The following PTPRN2 variants were observed in gnomAD, a reference collection of about 807,000 sequenced individuals.
The protein encoded by PTPRN2 is receptor-type tyrosine-protein phosphatase N2.
Under a neutral mutation model 118.8 loss-of-function variants are expected in PTPRN2, and 74 were observed. The ratio of observed to expected loss-of-function variants is 0.62; its 90% CI spans 0.52 to 0.76. The LOEUF (loss-of-function observed/expected upper bound fraction) is 0.76. PTPRN2 is among the 30% of genes least tolerant of loss of function. The probability of loss-of-function intolerance (pLI) is 0.00; values close to 1 mark genes in which losing one functional copy is unlikely to be tolerated. For missense variants in PTPRN2, 1,481 were observed against 1,394.4 expected, an observed-to-expected ratio of 1.06 and a Z score of -0.99; for synonymous variants, 641 against 608.0, an observed-to-expected ratio of 1.05 and a Z score of -0.80.
chr7:157,811,332 T>TTATATATATTTATATATATATATATA (rs1554455382), intron 12 of PTPRN2, among the ~76,000 whole-genome samples: 5 of 131,296 alleles, frequency 3.8e-5, no homozygotes, highest in African/African-American at 1.1e-4. Context: ...ATCTACTCTA[T>TTATATATATTTATATATATATATATA]TATATATATA....
chr7:158,086,485 C>T (rs1394745494), intron 10 of PTPRN2, among the ~76,000 whole-genome samples: 1 of 152,220 alleles, frequency 6.6e-6, no homozygotes, highest in Non-Finnish European at 1.5e-5. Context: ...ACACCTCACT[C>T]TCATGTTTTC....
At chr7:158,122,732 C>G (rs1212010330) in intron 9 of PTPRN2, among the ~76,000 whole-genome samples, 1 of 152,214 alleles carries the variant, frequency 6.6e-6, no homozygotes. Context: ...CAAAATTACA[C>G]TACTAGGAAA....
At chr7:157,954,926 A>G (rs987416543) in intron 11 of PTPRN2, among the ~76,000 whole-genome samples, 1 of 152,262 alleles carries the variant, frequency 6.6e-6, no homozygotes, top group Non-Finnish European at 1.5e-5. Flanking sequence ...AAACCGAAAT[A>G]CTAGACTTAA....
rs71189737 is a variant in PTPRN2, at chr7:157,811,332, T to TTATA, written c.1788+87337_1788+87340dup. Among the ~76,000 whole-genome samples the TTATA allele has an allele frequency of 8.4e-3, 1,099 of 131,256 alleles. 12 individuals carry two copies. The highest frequency in any genetic ancestry group is 0.035 in the South Asian group (144 of 4,064). The allele number at this position is 131,256 out of a possible 152,430, so 86.1% of individuals were successfully genotyped here. On this transcript the variant is annotated intron_variant, in intron 12 of 22. Transcript: ENST00000389418. The stretch of plus-strand genomic sequence containing the variant: ...TCATGGATTTTTGTAATCTACTCTA[T>TTATA]TATATATATATATATATATATATAT...
chr7:158,333,247 G>C (rs1233489615), intron 2 of PTPRN2, among the ~76,000 whole-genome samples: 1 of 126,200 alleles, frequency 7.9e-6, no homozygotes, highest in African/African-American at 3.4e-5. Context: ...CTCCCCAAAA[G>C]AGCTGTCGCC....
chr7:158,187,867 G>A (rs62477452), intron 5 of PTPRN2, among the ~76,000 whole-genome samples: 3,107 of 152,292 alleles, frequency 0.02, 37 homozygotes, highest in Middle Eastern at 0.044. Context: ...GCCGACCATC[G>A]TGTGTAGGAG....
chr7:157,549,111 TGA>T, intron 21 of PTPRN2, 92 bp from the exon 22 acceptor site: 1 of 1,248,442 alleles, frequency 8.0e-7, no homozygotes, highest in Non-Finnish European at 1.2e-6. Flanking sequence ...CCCTCTGGGC[TGA>T]GAGGCCAATT....
intron 2 of PTPRN2, among the ~76,000 whole-genome samples, chr7:158,358,113 T>C (rs964934385): frequency 5.9e-5 from 9 of 152,166 alleles, no homozygotes; most frequent in Non-Finnish European, 1.3e-4. Flanking sequence ...CCCAGGACAG[T>C]GGGAACAGCA....
intron 3 of PTPRN2, among the ~76,000 whole-genome samples, chr7:158,232,109 A>C (rs971520587): frequency 1.3e-5 from 2 of 152,156 alleles, no homozygotes; most frequent in African/African-American, 2.4e-5. Context: ...AAGAAATAAT[A>C]CAAATCAGAG....
At chr7:157,866,607 T>C (rs1010953751) in intron 12 of PTPRN2, among the ~76,000 whole-genome samples, 1 of 152,038 alleles carries the variant, frequency 6.6e-6, no homozygotes, top group Non-Finnish European at 1.5e-5. Flanking sequence ...CTGAGGCTGG[T>C]GTGCATTCTC....
chr7:158,160,488 C>T (rs926352946), intron 6 of PTPRN2, among the ~76,000 whole-genome samples: 8 of 152,198 alleles, frequency 5.3e-5, no homozygotes, highest in African/African-American at 1.4e-4. Context: ...TCATCAGCTT[C>T]CCTGGTTCTC....
At chr7:158,238,399 A>G (rs1413320452) in intron 3 of PTPRN2, among the ~76,000 whole-genome samples, 1 of 152,024 alleles carries the variant, frequency 6.6e-6, no homozygotes, top group East Asian at 1.9e-4. Context: ...AGCAGGCGAG[A>G]CGCGGGGCAC....
intron 11 of PTPRN2, among the ~76,000 whole-genome samples, chr7:158,008,294 G>C (rs771714399): frequency 1.3e-5 from 2 of 152,200 alleles, no homozygotes; most frequent in Non-Finnish European, 2.9e-5. Flanking sequence ...ATTGCATGAT[G>C]GGAAAATATG....
At chr7:157,708,126 G>T (rs1328222212) in intron 12 of PTPRN2, among the ~76,000 whole-genome samples, 4 of 152,242 alleles carry the variant, frequency 2.6e-5, no homozygotes. Context: ...GGCCTTCCAG[G>T]GCTGAGGCTG....
At chr7:157,698,045 A>G (rs1199376681) in intron 12 of PTPRN2, among the ~76,000 whole-genome samples, 1 of 152,216 alleles carries the variant, frequency 6.6e-6, no homozygotes, top group East Asian at 1.9e-4. Context: ...TACTGGAAGC[A>G]GAGTTTATCC....
intron 11 of PTPRN2, among the ~76,000 whole-genome samples, chr7:158,048,552 C>G (rs919989834): frequency 9.9e-5 from 15 of 151,966 alleles, no homozygotes; most frequent in Non-Finnish European, 2.1e-4. Context: ...CCACCAGCAC[C>G]ATCATCACCA....
At chr7:158,018,966 C>CAAAAAAAAAA (rs753498681) in intron 11 of PTPRN2, among the ~76,000 whole-genome samples, 15 of 65,806 alleles carry the variant, frequency 2.3e-4, no homozygotes, top group East Asian at 6.6e-4. Flanking sequence ...GTTTCAAAAA[C>CAAAAAAAAAA]AAAAAAAAAA....
chr7:157,645,753 C>T (rs946780817), intron 14 of PTPRN2, among the ~76,000 whole-genome samples: 2 of 152,194 alleles, frequency 1.3e-5, no homozygotes, highest in African/African-American at 4.8e-5. Flanking sequence ...GGGGAGGGGG[C>T]TGGGCCCCAG....
At chr7:157,638,220 T>G (rs1293328139) in intron 14 of PTPRN2, among the ~76,000 whole-genome samples, 1 of 152,242 alleles carries the variant, frequency 6.6e-6, no homozygotes, top group Non-Finnish European at 1.5e-5. Flanking sequence ...GAATGGATCT[T>G]GAAGGGGTCA....
Sources: gnomAD v4.1 joint callset for allele counts (sites outside exome capture counted in the v4.1 genomes callset) on GRCh38, gnomAD v4.1.1 for gene constraint, MANE v1.5 for transcripts, NCBI Gene and HGNC (gene_info 2026-07-23, HGNC 2026-07-21) for gene names.